SEPSECS: variants seen among roughly 807,000 people sequenced by gnomAD.
SEPSECS encodes the protein Sep (O-phosphoserine) tRNA:Sec (selenocysteine) tRNA synthase, also known as O-phosphoseryl-tRNA(Sec) selenium transferase.
A neutral mutation model predicts 52.1 loss-of-function variants in SEPSECS; 42 were observed. That is an observed-to-expected ratio of 0.81 (90% CI 0.63 to 1.04). The LOEUF (loss-of-function observed/expected upper bound fraction) is 1.04. SEPSECS is among the 50% of genes least tolerant of loss of function. The probability of loss-of-function intolerance (pLI) is 0.00; values close to 1 mark genes in which losing one functional copy is unlikely to be tolerated. For synonymous variants in SEPSECS, 216 were observed against 211.4 expected (o/e 1.02, Z -0.19); for missense variants, 590 against 610.6 (o/e 0.97, Z 0.36).
At chr4:25,135,354 T>C (rs1402951485) in intron 8 of SEPSECS, among the ~76,000 whole-genome samples, 3 of 150,908 alleles carry the variant, frequency 2.0e-5, no homozygotes, top group East Asian at 1.9e-4. Context: ...AAGAATCAAA[T>C]AGACACAACA....
Position 25,159,108 on chromosome 4 carries a change from C to CT in SEPSECS, c.115-2dup. The CT allele has an allele frequency of 6.5e-7, 1 of 1,534,176 alleles. No homozygotes were observed. The highest frequency in any genetic ancestry group is 8.7e-7 in the Non-Finnish European group (1 of 1,145,382). On this transcript the variant is annotated splice_acceptor_variant, in intron 1 of 10. Transcript: ENST00000382103. LOFTEE classifies it high-confidence loss of function. Reference sequence around the variant, plus strand: ...CCCAGCCATTCTCTGGACACTTGCCCTTAAAAAAAAAAAAAAACTTATGAT... The same window carrying CT: ...CCCAGCCATTCTCTGGACACTTGCCCTTTAAAAAAAAAAAAAAACTTATGAT...
In SEPSECS at chr4:25,144,763, G is replaced by T. The variant is rs1004534220; in HGVS notation, c.1026+11C>A. 4 of 1,577,684 alleles carry T rather than the reference G, an allele frequency of 2.5e-6. No individual in the cohort carries two copies. The highest frequency in any genetic ancestry group is 3.5e-6 in the Non-Finnish European group (4 of 1,147,854). On this transcript the variant is annotated intron_variant, in intron 8 of 10. Coordinates refer to ENST00000382103, the MANE Select transcript of SEPSECS (RefSeq NM_016955.4). The stretch of plus-strand genomic sequence containing the variant: ...CAAGAATGTTATTCGACACCTAAAG[G>T]GAAAGCTTACCTTTCTTTCTTTTAG...
chr4:25,138,866 A>G (rs1469235084), intron 8 of SEPSECS, among the ~76,000 whole-genome samples: 4 of 152,232 alleles, frequency 2.6e-5, no homozygotes, highest in Admixed American at 2.6e-4. Flanking sequence ...AATGAATCTG[A>G]ATCTACCCTA....
At position 25,127,712 on chromosome 4, in the gene SEPSECS, C is replaced by T. The variant is rs918398858; in HGVS notation, c.1027-355G>A. Among the ~76,000 whole-genome samples, 5 of 152,252 alleles carry T rather than the reference C, an allele frequency of 3.3e-5. No individual in the cohort carries two copies. In the South Asian group the frequency reaches 8.3e-4, roughly 25 times the overall value. On this transcript the variant is annotated intron_variant, in intron 8 of 10. Transcript: ENST00000382103. ...CTAAATGATTTTTCTGCCTGTTCTC[C>T]ACCCTTCTGTAATCTGTTCTACACT...
chr4:25,157,907 C>T (rs1454962166), intron 2 of SEPSECS, among the ~76,000 whole-genome samples: 1 of 152,110 alleles, frequency 6.6e-6, no homozygotes, highest in Non-Finnish European at 1.5e-5. Flanking sequence ...AATGATGGTT[C>T]AAATATTGCC....
Position 25,121,003 on chromosome 4 carries a change from C to T in SEPSECS, c.*2928G>A, listed in dbSNP as rs1412348513. 6.6e-6 allele frequency: 1 copy of T among 152,122 alleles called. No homozygotes were observed. The highest frequency in any genetic ancestry group is 2.1e-4 in the South Asian group (1 of 4,830). 9.4% of individuals were successfully genotyped at this position (152,122 alleles called of 1,614,324 possible). On this transcript the variant is annotated 3_prime_UTR_variant, in exon 11 of 11. Transcript: ENST00000382103. ...AAAGACACAGAACCACAGTGAAGTG[C>T]TGATCATAATATTAGAAAAATTTAA...
At position 25,123,867 on chromosome 4, in the gene SEPSECS, A is replaced by C; in HGVS notation, c.*64T>G. ...CAAAAATCTCAAGTCTTATCTTTAA[A>C]CTGCTTGCTTGTACTACAGCCTTAT... On this transcript the variant is annotated 3_prime_UTR_variant, in exon 11 of 11. Coordinates refer to ENST00000382103, the MANE Select transcript of SEPSECS (RefSeq NM_016955.4). 2.9e-6 allele frequency: 4 copies of C among 1,391,932 alleles called. No homozygotes were observed. The highest frequency in any genetic ancestry group is 4.1e-6 in the Non-Finnish European group (4 of 981,014). 86.2% of individuals were successfully genotyped at this position (1,391,932 alleles called of 1,614,324 possible).
intron 10 of SEPSECS, among the ~76,000 whole-genome samples, chr4:25,125,142 A>T (rs1329978283): frequency 1.3e-5 from 2 of 152,152 alleles, no homozygotes; most frequent in Non-Finnish European, 2.9e-5. Flanking sequence ...CATGTAAAGT[A>T]TTTACAGCAA....
intron 8 of SEPSECS, among the ~76,000 whole-genome samples, chr4:25,142,252 G>T (rs570599762): frequency 4.6e-5 from 7 of 152,238 alleles, no homozygotes; most frequent in African/African-American, 1.7e-4. Context: ...ACTGCAGCCT[G>T]GGTGACAGAA....
chr4:25,124,276 A>G lies in SEPSECS; in HGVS notation c.1212-51T>C, dbSNP rs774618360. 7.8e-6 allele frequency: 12 copies of G among 1,531,870 alleles called. No homozygotes were observed. The East Asian group carries it at 2.3e-4, about 29-fold the overall frequency. 94.9% of individuals were successfully genotyped at this position (1,531,870 alleles called of 1,614,324 possible). A position where few individuals can be genotyped will look rare whatever the true frequency, so the allele number is the denominator to read the frequency against. On this transcript the variant is annotated intron_variant, in intron 10 of 10. Coordinates refer to ENST00000382103, the MANE Select transcript of SEPSECS (RefSeq NM_016955.4). ...TAATATGTCTGGTAATGGTAACACAATGTCACCCATAAACAAAAGATATGT... is the reference window on the plus strand; with the variant it reads ...TAATATGTCTGGTAATGGTAACACAGTGTCACCCATAAACAAAAGATATGT...
chr4:25,159,420 G>C, intron 1 of SEPSECS: 1 of 354,008 alleles, frequency 2.8e-6, no homozygotes, highest in Admixed American at 4.5e-5. Context: ...CTTCAAACCA[G>C]GGCGTTACGA....
intron 3 of SEPSECS, 29 bp downstream of exon 3, chr4:25,156,827 A>G (rs200942186): frequency 3.4e-6 from 4 of 1,186,334 alleles, no homozygotes; most frequent in Non-Finnish European, 5.1e-6. Flanking sequence ...CCAGACAGCC[A>G]AAAGCATTAT....
chr4:25,152,205 G>A, intron 5 of SEPSECS, 143 bp from the exon 6 acceptor site: 1 of 613,554 alleles, frequency 1.6e-6, no homozygotes, highest in Non-Finnish European at 2.9e-6. Context: ...TTCTATTGCA[G>A]TATTTTGACA....
Position 25,134,320 on chromosome 4 carries a change from ATGTGTGTGTG to A in SEPSECS, c.1027-6973_1027-6964del, listed in dbSNP as rs3066762. On this transcript the variant is annotated intron_variant, in intron 8 of 10. Transcript: ENST00000382103. ...ATAGCAAGACCCCATATCTTTAAAA[ATGTGTGTGTG>A]TGTGTGTGTGTGTGTGTGTGTGTAT... 6.0e-4 allele frequency among the ~76,000 whole-genome samples: 87 copies of A among 145,102 alleles called. 1 individual carries two copies. The highest frequency in any genetic ancestry group is 1.9e-3 in the African/African-American group (76 of 39,116).
chr4:25,139,691 C>A (rs552560154), intron 8 of SEPSECS, among the ~76,000 whole-genome samples: 2 of 152,012 alleles, frequency 1.3e-5, no homozygotes, highest in East Asian at 3.9e-4. Flanking sequence ...TACAATGTGA[C>A]AAATTAGAGT....
chr4:25,134,076 G>A (rs1184404220), intron 8 of SEPSECS, among the ~76,000 whole-genome samples: 2 of 119,588 alleles, frequency 1.7e-5, no homozygotes, highest in Non-Finnish European at 3.2e-5. Flanking sequence ...AGTGAGCCAT[G>A]ATCATGACAC....
At chr4:25,145,651 T>C (rs1711916977) in intron 6 of SEPSECS, among the ~76,000 whole-genome samples, 1 of 152,198 alleles carries the variant, frequency 6.6e-6, no homozygotes, top group East Asian at 1.9e-4. Flanking sequence ...GCTCCTTTTT[T>C]TGACAACAAA....
chr4:25,156,501 G>C (rs559279305), intron 3 of SEPSECS, among the ~76,000 whole-genome samples: 27 of 151,488 alleles, frequency 1.8e-4, no homozygotes, highest in African/African-American at 2.9e-4. Context: ...TCAGGAGATC[G>C]AGACCATCCT....
At chr4:25,160,577 G>T, upstream of SEPSECS, 1 of 510,580 alleles carries the variant, frequency 2.0e-6, no homozygotes, top group Non-Finnish European at 3.5e-6. Flanking sequence ...GGAAGTTGGC[G>T]TATTTGAGCA....
Sources: gnomAD v4.1 joint callset for allele counts (sites outside exome capture counted in the v4.1 genomes callset) on GRCh38, gnomAD v4.1.1 for gene constraint, MANE v1.5 for transcripts, NCBI Gene and HGNC (gene_info 2026-07-23, HGNC 2026-07-21) for gene names.